The following BIRC6 variants were observed in gnomAD, a reference collection of about 807,000 sequenced individuals.
The protein encoded by BIRC6 is dual E2 ubiquitin-conjugating enzyme/E3 ubiquitin-protein ligase BIRC6.
A neutral mutation model predicts 503.3 loss-of-function variants in BIRC6; 98 were observed. The observed-to-expected ratio is 0.19, with a 90% CI of 0.17 to 0.23. BIRC6 has a LOEUF of 0.23. BIRC6 is among the 10% of genes least tolerant of loss of function. BIRC6 has a pLI of 1.00. For missense variants in BIRC6, 5,360 were observed against 5,806.0 expected, an observed-to-expected ratio of 0.92 and a Z score of 2.50; for synonymous variants, 2,240 against 2,078.7, an observed-to-expected ratio of 1.08 and a Z score of -2.11.
chr2:32,365,520 A>G (rs1205349016), intron 1 of BIRC6, among the ~76,000 whole-genome samples: 2 of 151,992 alleles, frequency 1.3e-5, no homozygotes, highest in African/African-American at 4.8e-5. Context: ...AGGGTTTCAC[A>G]ATGTTGGCCA....
At chr2:32,523,275 GT>G (rs1331143220) in intron 57 of BIRC6, 2 of 152,078 alleles carry the variant, frequency 1.3e-5, no homozygotes, top group Non-Finnish European at 2.9e-5. Context: ...TTAAAAGGAA[GT>G]TGAGAAATTT....
intron 17 of BIRC6, 141 bp downstream of exon 17, chr2:32,441,603 G>A (rs2045442726): frequency 4.1e-6 from 3 of 731,384 alleles, no homozygotes; most frequent in Non-Finnish European, 6.5e-6. Flanking sequence ...TAATTTTGAT[G>A]AGAATATGAG....
In BIRC6 at chr2:32,493,671, A is replaced by G. The variant is rs1438126994; in HGVS notation, c.8468+4A>G. On this transcript the variant is annotated splice_donor_region_variant and intron_variant, in intron 45 of 73. Transcript: ENST00000421745. ...TTCATATACTTTCAACTGAAAGGTA[A>G]ATTTTTGTGTACTAATTTGTTCCTG... The G allele has an allele frequency of 6.3e-7, 1 of 1,592,526 alleles. No homozygotes were observed. Among genetic ancestry groups the G allele is most frequent in the Non-Finnish European group, 8.6e-7 (1 of 1,165,648 alleles).
In BIRC6 at chr2:32,470,390, A is replaced by C. The variant is rs2048985555; in HGVS notation, c.6481+89A>C. 5.7e-6 allele frequency: 7 copies of C among 1,236,608 alleles called. No homozygotes were observed. The South Asian group carries it at 1.1e-4, about 19-fold the overall frequency. The allele number at this position is 1,236,608 out of a possible 1,614,324, so 76.6% of individuals were successfully genotyped here. On this transcript the variant is annotated intron_variant, in intron 31 of 73. Transcript: ENST00000421745. ...ATATCTTCTCTGAAATACTTTAATAATTATTTGCAGCACATTTAATATTTT... is the reference window on the plus strand; with the variant it reads ...ATATCTTCTCTGAAATACTTTAATACTTATTTGCAGCACATTTAATATTTT...
rs1049256308 is a variant in BIRC6, at chr2:32,479,640, T to C, written c.7408+23T>C. 5 of 1,522,602 alleles carry C rather than the reference T, an allele frequency of 3.3e-6. No individual in the cohort carries two copies. The Admixed American group carries it at 5.5e-5, about 17-fold the overall frequency. The allele number at this position is 1,522,602 out of a possible 1,614,324, so 94.3% of individuals were successfully genotyped here. A position where few individuals can be genotyped will look rare whatever the true frequency, so the allele number is the denominator to read the frequency against. ...CAGGTAAAGTTTTACATTATGTTTC[T>C]TCTTTATTCTATTAAATGGAAACAT... On this transcript the variant is annotated intron_variant, in intron 37 of 73. Transcript: ENST00000421745.
chr2:32,475,944 G>A (rs900287386), intron 33 of BIRC6, among the ~76,000 whole-genome samples: 5 of 151,172 alleles, frequency 3.3e-5, no homozygotes, highest in East Asian at 1.9e-4. Flanking sequence ...AATATATATC[G>A]CTCGATTATG....
intron 3 of BIRC6, among the ~76,000 whole-genome samples, chr2:32,386,459 T>TC (rs71407449): frequency 2.6e-5 from 4 of 151,672 alleles, no homozygotes; most frequent in Non-Finnish European, 5.9e-5. Context: ...TTTTTTTTTT[T>TC]CCAATACAGG....
intron 63 of BIRC6, among the ~76,000 whole-genome samples, chr2:32,547,641 G>A (rs186684430): frequency 3.9e-5 from 6 of 152,210 alleles, no homozygotes; most frequent in Middle Eastern, 3.4e-3. Context: ...TGCTGTAAAC[G>A]TGTGTGTCTA....
intron 39 of BIRC6, among the ~76,000 whole-genome samples, chr2:32,483,398 T>C (rs1201384492): frequency 6.6e-6 from 1 of 152,214 alleles, no homozygotes; most frequent in Non-Finnish European, 1.5e-5. Context: ...TCTAGAACCA[T>C]TTGAGAGTAC....
At chr2:32,447,345 CT>C (rs1196052902) in intron 21 of BIRC6, among the ~76,000 whole-genome samples, 1 of 151,402 alleles carries the variant, frequency 6.6e-6, no homozygotes, top group Admixed American at 6.6e-5. Context: ...AGAAGCGCCC[CT>C]CACCTCCCGG....
At chr2:32,400,632 C>T (rs1052556845) in intron 6 of BIRC6, among the ~76,000 whole-genome samples, 2 of 152,044 alleles carry the variant, frequency 1.3e-5, no homozygotes. Context: ...CCACCGCACC[C>T]GGCTGCCTTC....
In BIRC6 at chr2:32,360,885, AGTGTGTGTGTAT is replaced by A. The variant is rs560449255; in HGVS notation, c.325+3414_325+3425del. Among the ~76,000 whole-genome samples, 508 of 152,042 alleles carry A rather than the reference AGTGTGTGTGTAT, an allele frequency of 3.3e-3. 2 individuals are homozygous for A. The highest frequency in any genetic ancestry group is 0.012 in the African/African-American group (479 of 41,466). ...CCCTTCCCCAGGATGCCTAATATAC[AGTGTGTGTGTAT>A]GTGTGTGTGTATGTATATATTTATT... On this transcript the variant is annotated intron_variant, in intron 1 of 73. Coordinates refer to ENST00000421745, the MANE Select transcript of BIRC6 (RefSeq NM_016252.4).
intron 10 of BIRC6, among the ~76,000 whole-genome samples, chr2:32,425,655 C>G (rs1221742025): frequency 6.6e-6 from 1 of 152,146 alleles, no homozygotes; most frequent in Admixed American, 6.5e-5. Flanking sequence ...TCTCCCCACT[C>G]TTATCCTTCC....
At position 32,505,137 on chromosome 2, in the gene BIRC6, C is replaced by T. The variant is rs747538251; in HGVS notation, c.9632C>T (p.Thr3211Ile). The T allele has an allele frequency of 6.9e-6, 11 of 1,604,070 alleles. No individual in the cohort carries two copies. In the Admixed American group the frequency reaches 1.2e-4, roughly 17 times the overall value. Residue 3211 changes from threonine to isoleucine, a missense_variant, in exon 50 of 74, where the codon ACC becomes ATC. By Grantham distance (89) the Thr-to-Ile change is moderately conservative. Coordinates refer to ENST00000421745, the MANE Select transcript of BIRC6 (RefSeq NM_016252.4). Reference sequence around the variant, plus strand: ...CCAGAGGAGGCTTGGTGTGACCTTACCATTCACCTTCCTGCAGCAGTGCTG... The same window carrying T: ...CCAGAGGAGGCTTGGTGTGACCTTATCATTCACCTTCCTGCAGCAGTGCTG... ...FLPEEAWCDL[T>I]IHLPAAVLLK...
chr2:32,489,627 C>T (rs964140773), intron 42 of BIRC6, among the ~76,000 whole-genome samples: 1 of 152,086 alleles, frequency 6.6e-6, no homozygotes, highest in Non-Finnish European at 1.5e-5. Context: ...GCCTGGCCAA[C>T]ATGGTGAAAA....
At chr2:32,609,904 G>T (rs572567223) in intron 72 of BIRC6, among the ~76,000 whole-genome samples, 31 of 152,218 alleles carry the variant, frequency 2.0e-4, no homozygotes, top group Admixed American at 1.6e-3. Flanking sequence ...CCTAGCTTGC[G>T]TTAAAGGGGC....
chr2:32,484,071 T>C (rs1183372233), intron 39 of BIRC6, among the ~76,000 whole-genome samples: 1 of 152,120 alleles, frequency 6.6e-6, no homozygotes, highest in African/African-American at 2.4e-5. Context: ...CAAGAAGCAG[T>C]TCACCATTTT....
At chr2:32,503,434 T>C (rs2053427733) in intron 49 of BIRC6, among the ~76,000 whole-genome samples, 198 bp downstream of exon 49, 2 of 139,678 alleles carry the variant, frequency 1.4e-5, no homozygotes, top group African/African-American at 5.0e-5. Context: ...GTTTGTTTGT[T>C]TGTTTTGAGA....
chr2:32,596,531 T>C (rs1221396406), intron 68 of BIRC6, among the ~76,000 whole-genome samples: 1 of 151,496 alleles, frequency 6.6e-6, no homozygotes, highest in African/African-American at 2.4e-5. Context: ...GGTCAGGAAT[T>C]CAGAAAAAGC....
Sources: allele counts gnomAD v4.1 joint callset (sites outside exome capture counted in the v4.1 genomes callset), GRCh38; gene constraint gnomAD v4.1.1; transcripts MANE v1.5; gene names NCBI Gene and HGNC (gene_info 2026-07-23, HGNC 2026-07-21).